The following ZFAT variants were observed in gnomAD, a reference collection of about 807,000 sequenced individuals.
ZFAT encodes the protein zinc finger protein ZFAT.
Under a neutral mutation model 117.7 loss-of-function variants are expected in ZFAT, and 64 were observed. That is an observed-to-expected ratio of 0.54 (90% confidence interval 0.44 to 0.67). The LOEUF (loss-of-function observed/expected upper bound fraction) is 0.67, where lower values mean the gene tolerates loss of function less well. ZFAT is among the 30% of genes least tolerant of loss of function. The probability of loss-of-function intolerance (pLI) is 0.00; values close to 1 mark genes in which losing one functional copy is unlikely to be tolerated. For missense variants in ZFAT, 1,433 were observed against 1,584.5 expected, an observed-to-expected ratio of 0.90 and a Z score of 1.62; for synonymous variants, 679 against 615.0, an observed-to-expected ratio of 1.10 and a Z score of -1.54.
intron 11 of ZFAT, among the ~76,000 whole-genome samples, chr8:134,557,639 G>T (rs1012119700): frequency 6.6e-6 from 1 of 151,888 alleles, no homozygotes; most frequent in African/African-American, 2.4e-5. Flanking sequence ...GAGATAAAAT[G>T]GAATACTAAA....
At chr8:134,507,729 A>G (rs1336957925) in intron 15 of ZFAT, among the ~76,000 whole-genome samples, 1 of 152,180 alleles carries the variant, frequency 6.6e-6, no homozygotes, top group East Asian at 1.9e-4. Flanking sequence ...GGCTCAATAA[A>G]TCATGTCTCC....
chr8:134,688,725 A>G (rs1011478218), intron 1 of ZFAT, among the ~76,000 whole-genome samples: 2 of 152,012 alleles, frequency 1.3e-5, no homozygotes, highest in African/African-American at 4.8e-5. Flanking sequence ...TTCGACTTCC[A>G]CCCTCTCCCT....
the ZFAT span, among the ~76,000 whole-genome samples, chr8:134,720,322 A>G: frequency 1.3e-5 from 2 of 152,250 alleles, no homozygotes; most frequent in Non-Finnish European, 2.9e-5. Context: ...TTTTTTGGGC[A>G]GCAAAAGATA....
At position 134,548,980 on chromosome 8, in the gene ZFAT, G is replaced by A. The variant is rs1022655867; in HGVS notation, c.2977-16008C>T. On this transcript the variant is annotated intron_variant, in intron 11 of 15. Coordinates refer to ENST00000377838, the MANE Select transcript of ZFAT (RefSeq NM_020863.4). ...TGCCCGACTCACGTCACTACTCCACGTTAACTGTGCCCACGAGAAACTTCT... is the reference window on the plus strand; with the variant it reads ...TGCCCGACTCACGTCACTACTCCACATTAACTGTGCCCACGAGAAACTTCT... Among the ~76,000 whole-genome samples the A allele has an allele frequency of 4.6e-5, 7 of 152,294 alleles. No homozygotes were observed. The East Asian group carries it at 1.2e-3, about 25-fold the overall frequency.
chr8:134,526,690 A>G (rs189922019), intron 12 of ZFAT, among the ~76,000 whole-genome samples: 220 of 152,316 alleles, frequency 1.4e-3, no homozygotes, highest in African/African-American at 4.9e-3. Flanking sequence ...TTTCAATAAT[A>G]TAACTCCCAG....
chr8:134,639,471 AAAG>A (rs1018985225), intron 2 of ZFAT, among the ~76,000 whole-genome samples: 2 of 152,258 alleles, frequency 1.3e-5, no homozygotes, highest in South Asian at 2.1e-4. Flanking sequence ...AGGGGAGCAC[AAAG>A]AAGAAGAAGG....
In ZFAT at chr8:134,565,432, GC is replaced by G. The variant is rs1192384313; in HGVS notation, c.2888-12del. 3 of 1,611,324 alleles carry G rather than the reference GC, an allele frequency of 1.9e-6. No homozygotes were observed. The African/African-American group carries it at 4.0e-5, about 22-fold the overall frequency. ...ACTTAAACTGCTTCCCTGGAAAGAAGCGGAGGACAAGATGAGCGTCGCCAGG... is the reference window on the plus strand; with the variant it reads ...ACTTAAACTGCTTCCCTGGAAAGAAGGGAGGACAAGATGAGCGTCGCCAGG... On this transcript the variant is annotated splice_polypyrimidine_tract_variant and intron_variant, in intron 10 of 15. Coordinates refer to ENST00000377838, the MANE Select transcript of ZFAT (RefSeq NM_020863.4).
At chr8:134,813,093 C>T in the ZFAT span, among the ~76,000 whole-genome samples, 1 of 152,232 alleles carries the variant, frequency 6.6e-6, no homozygotes, top group Non-Finnish European at 1.5e-5. Flanking sequence ...ATGTTTTCTA[C>T]ACAGGCTAAA....
chr8:134,725,234 AG>A, the ZFAT span, among the ~76,000 whole-genome samples: 7 of 152,180 alleles, frequency 4.6e-5, no homozygotes, highest in African/African-American at 1.4e-4. Flanking sequence ...AAGCTGCCTC[AG>A]GGCACAAGTT....
chr8:134,702,022 A>G (rs114126105), intron 1 of ZFAT, among the ~76,000 whole-genome samples: 2,727 of 152,290 alleles, frequency 0.018, 88 homozygotes, highest in African/African-American at 0.061. Context: ...TGGCTTTATA[A>G]GAAGAGGAAA....
rs1827343422 is a variant in ZFAT at position 134,600,599 on chromosome 8, T to C, written c.2312A>G (p.Tyr771Cys). The change falls in exon 7 of 16, where the codon TAT (tyrosine) becomes TGT (cysteine). Residue 771 changes from tyrosine (Y) to cysteine (C), a missense_variant. Around this residue, in one of 5 missense-constraint regions of ZFAT, gnomAD observed 49 missense variants for 81.5 expected, o/e 0.60. Transcript: ENST00000377838. ...GGAAGAATAATGACACTGAGAGCAA[T>C]AATACAGATGTTCCCGGGTGTGGGT... ...VRTHTREHLY[Y>C]CSQCHYSSIT... 1.9e-6 allele frequency: 3 copies of C among 1,613,900 alleles called. No homozygotes were observed. Among genetic ancestry groups the C allele is most frequent in the Non-Finnish European group, 2.5e-6 (3 of 1,180,032 alleles).
rs1817021868 is a variant in ZFAT at position 134,478,300 on chromosome 8, C to T, written c.*182G>A. 1.3e-6 allele frequency: 1 copy of T among 774,906 alleles called. No individual in the cohort carries two copies. Among genetic ancestry groups the T allele is most frequent in the Admixed American group, 2.9e-5 (1 of 34,756 alleles). The allele number at this position is 774,906 out of a possible 1,614,324, so 48.0% of individuals were successfully genotyped here. Reference sequence around the variant, plus strand: ...CTGGGGTGAGGGTCCTGTGGTATTGCTGGTGATGCTGACTGCCTTGCCCAC... The same window carrying T: ...CTGGGGTGAGGGTCCTGTGGTATTGTTGGTGATGCTGACTGCCTTGCCCAC... On this transcript the variant is annotated 3_prime_UTR_variant, in exon 16 of 16. Transcript: ENST00000377838. The surrounding 1 kb of genome is among the most constrained non-coding windows in gnomAD (Gnocchi z 5.2).
At chr8:134,659,541 T>G (rs1336967003) in intron 1 of ZFAT, among the ~76,000 whole-genome samples, 1 of 152,208 alleles carries the variant, frequency 6.6e-6, no homozygotes, top group East Asian at 1.9e-4. Flanking sequence ...CATCCCTGTG[T>G]GAGAAGGCTA....
chr8:134,617,562 G>A (rs1423670597), intron 3 of ZFAT, among the ~76,000 whole-genome samples: 1 of 152,090 alleles, frequency 6.6e-6, no homozygotes, highest in Admixed American at 6.5e-5. Context: ...AGCCTTTAGG[G>A]GCAGATGGGA....
At chr8:134,600,715 G>C (rs1200922544) in intron 6 of ZFAT, 47 bp from the exon 7 acceptor site, 2 of 1,426,162 alleles carry the variant, frequency 1.4e-6, no homozygotes, top group South Asian at 3.0e-5. Context: ...CATTTTGACT[G>C]ATTTTGAATT....
the ZFAT span, among the ~76,000 whole-genome samples, chr8:134,757,765 G>A: frequency 1.3e-5 from 2 of 152,178 alleles, no homozygotes; most frequent in Non-Finnish European, 2.9e-5. Context: ...TAGCAGATAT[G>A]TCCTGGGGCT....
intron 3 of ZFAT, among the ~76,000 whole-genome samples, chr8:134,613,564 CG>C (rs1789278928): frequency 1.3e-5 from 2 of 152,260 alleles, no homozygotes; most frequent in African/African-American, 4.8e-5. Flanking sequence ...TCCTTCCCCA[CG>C]GCTGCTTTGG....
At chr8:134,671,829 T>C (rs1027456634) in intron 1 of ZFAT, among the ~76,000 whole-genome samples, 2 of 152,332 alleles carry the variant, frequency 1.3e-5, no homozygotes, top group South Asian at 2.1e-4. Context: ...TGTTTGCAGA[T>C]GACATGATTG....
At chr8:134,604,355 T>G (rs922189529) in intron 5 of ZFAT, among the ~76,000 whole-genome samples, 3 of 152,194 alleles carry the variant, frequency 2.0e-5, no homozygotes, top group Non-Finnish European at 4.4e-5. Flanking sequence ...CTGAAATCAC[T>G]GACACGCAGC....
Sources: allele counts gnomAD v4.1 joint callset (sites outside exome capture counted in the v4.1 genomes callset), GRCh38; gene constraint gnomAD v4.1.1; regional missense constraint gnomAD v4.1.1; non-coding constraint Gnocchi (gnomAD v3.1); transcripts MANE v1.5; gene names NCBI Gene and HGNC (gene_info 2026-07-23, HGNC 2026-07-21).